The following FBN3 variants were observed in gnomAD, a reference collection of about 807,000 sequenced individuals.
The protein encoded by FBN3 is fibrillin-3.
Under a neutral mutation model 330.1 loss-of-function variants are expected in FBN3, and 234 were observed. That is an observed-to-expected ratio of 0.71 (90% CI 0.64 to 0.79). The LOEUF (loss-of-function observed/expected upper bound fraction) is 0.79. FBN3 is among the 30% of genes least tolerant of loss of function. FBN3 has a pLI of 0.00. For missense variants in FBN3, 3,606 were observed against 3,886.9 expected (o/e 0.93, Z 1.92); for synonymous variants, 1,458 against 1,517.3 (o/e 0.96, Z 0.91).
At chr19:8,086,874 TCCCACTGCCTGTCCCCC>T (rs921489883) in intron 54 of FBN3, among the ~76,000 whole-genome samples, 186 bp downstream of exon 54, 19 of 151,234 alleles carry the variant, frequency 1.3e-4, no homozygotes, top group South Asian at 4.2e-4. Context: ...TACCTGTCCC[TCCCACTGCCTGTCCCCC>T]CCCACTGCCT....
rs530162459 is a variant in FBN3 at position 8,144,780 on chromosome 19, T to C, written c.541+97A>G. 28 of 947,672 alleles carry C rather than the reference T, an allele frequency of 3.0e-5. No homozygotes were observed. The East Asian group carries it at 3.5e-4, about 12-fold the overall frequency. 58.7% of individuals were successfully genotyped at this position (947,672 alleles called of 1,614,324 possible). A position where few individuals can be genotyped will look rare whatever the true frequency, so the allele number is the denominator to read the frequency against. On this transcript the variant is annotated intron_variant, in intron 6 of 63. Transcript: ENST00000600128. ...CAAATGCGGGAAGGAGGCCAGCTGG[T>C]TCCTTTCAAGGCCTGGCCATGTCTC... is the stretch of plus-strand genomic sequence containing the variant.
intron 13 of FBN3, 146 bp downstream of exon 13, chr19:8,135,815 A>C (rs1599430375): frequency 1.3e-6 from 1 of 795,104 alleles, no homozygotes; most frequent in South Asian, 1.7e-5. Flanking sequence ...GAAGAGTCTC[A>C]GGTGGGCTGC....
At chr19:8,137,109 C>G (rs149244871) in intron 10 of FBN3, among the ~76,000 whole-genome samples, 3,627 of 149,254 alleles carry the variant, frequency 0.024, 156 homozygotes, top group African/African-American at 0.085. Flanking sequence ...GTGCCTAGAT[C>G]CCTCCAACCT....
chr19:8,114,260 G>GT (rs916297733), intron 30 of FBN3, among the ~76,000 whole-genome samples: 3 of 148,034 alleles, frequency 2.0e-5, no homozygotes, highest in Admixed American at 6.7e-5. Context: ...AAAAAAGTTT[G>GT]TTTTTTTGAG....
rs761860427 is a variant in FBN3 at position 8,100,977 on chromosome 19, G to A, written c.5090-5C>T. On this transcript the variant is annotated splice_region_variant and splice_polypyrimidine_tract_variant and intron_variant, in intron 40 of 63. Transcript: ENST00000600128. ...CACACAGGATCTGGTAGTCAGCTGC[G>A]CAAAGGGGAACAAAGCTGAGTCTGG... 2.4e-5 allele frequency: 39 copies of A among 1,612,532 alleles called. No individual in the cohort carries two copies. Among genetic ancestry groups the A allele is most frequent in the South Asian group, 1.4e-4 (13 of 91,002 alleles).
At chr19:8,095,839 T>C in intron 45 of FBN3, 125 bp downstream of exon 45, 1 of 642,354 alleles carries the variant, frequency 1.6e-6, no homozygotes. Context: ...TATTTAGGAG[T>C]ATGTTATTTA....
In FBN3 at chr19:8,110,897, G is replaced by A. The variant is rs768535582; in HGVS notation, c.4281C>T (p.Arg1427=). 2.5e-6 allele frequency: 4 copies of A among 1,614,238 alleles called. No homozygotes were observed. The highest frequency in any genetic ancestry group is 3.4e-6 in the Non-Finnish European group (4 of 1,180,040). ...GTTCGTAGCCACCATTGCAGATGCA[G>A]CGGAACATTCCAGGCAGGTTCTCAC... is the stretch of plus-strand genomic sequence containing the variant. ...GSCENLPGMF[R]CICNGGYELD... Residue 1427 remains arginine (R), a synonymous_variant, in exon 34 of 64, where the codon CGC becomes CGT. Transcript: ENST00000600128.
intron 1 of FBN3, among the ~76,000 whole-genome samples, chr19:8,148,202 C>A (rs1033958767): frequency 2.6e-4 from 40 of 152,140 alleles, no homozygotes; most frequent in Admixed American, 2.1e-3. Context: ...CCACATCCCA[C>A]GCCGGTCTTG....
In FBN3 at chr19:8,087,124, C is replaced by A. The variant is rs377054194; in HGVS notation, c.6707G>T (p.Cys2236Phe). The change falls in exon 54 of 64, where the codon TGT (cysteine) becomes TTT (phenylalanine). Residue 2236 changes from cysteine to phenylalanine, a missense_variant. Coordinates refer to ENST00000600128, the MANE Select transcript of FBN3 (RefSeq NM_032447.5). Reference sequence around the variant, plus strand: ...AGGCAGGGGCCGCATGCCTGGGGGACAGACGCACGCGAAGGTACCGATGAG... The same window carrying A: ...AGGCAGGGGCCGCATGCCTGGGGGAAAGACGCACGCGAAGGTACCGATGAG... ...KNLIGTFACVCPPGMRPLPGS... is the reference protein window; with the variant it reads ...KNLIGTFACVFPPGMRPLPGS... 39 of 1,610,760 alleles carry A rather than the reference C, an allele frequency of 2.4e-5. No individual in the cohort carries two copies. The highest frequency in any genetic ancestry group is 3.3e-5 in the Non-Finnish European group (39 of 1,179,540).
chr19:8,126,121 CG>C, intron 21 of FBN3, 104 bp from the exon 22 acceptor site: 1 of 1,512,054 alleles, frequency 6.6e-7, no homozygotes, highest in Non-Finnish European at 9.1e-7. Flanking sequence ...AGGAAGGGGA[CG>C]GGGACACGGG....
intron 13 of FBN3, among the ~76,000 whole-genome samples, chr19:8,133,600 A>G (rs767012268): frequency 6.6e-6 from 1 of 151,946 alleles, no homozygotes; most frequent in African/African-American, 2.4e-5. Context: ...ACAGGCATGT[A>G]CCACCACGCC....
rs369070724 is a variant in FBN3 at position 8,095,484 on chromosome 19, G to C, written c.5676C>G (p.Thr1892=). ...CAAATCGGCACACCTGCCCCACCAG[G>C]GTAGTACACTCATCAAAATCTGTAG... ...GDCVDFDECT[T]LVGQVCRFGH... is the part of the protein sequence containing the mutation. The change falls in exon 46 of 64, where the codon ACC becomes ACG. Residue 1892 remains threonine, a synonymous_variant. Transcript: ENST00000600128. 2.5e-6 allele frequency: 4 copies of C among 1,613,624 alleles called. No homozygotes were observed. Among genetic ancestry groups the C allele is most frequent in the Non-Finnish European group, 3.4e-6 (4 of 1,179,724 alleles).
At chr19:8,142,286 C>T (rs1403142108) in intron 6 of FBN3, 149 bp from the exon 7 acceptor site, 6 of 667,502 alleles carry the variant, frequency 9.0e-6, no homozygotes, top group Non-Finnish European at 1.5e-5. Context: ...CTTTCCTCCC[C>T]TTTCCCTACC....
intron 18 of FBN3, among the ~76,000 whole-genome samples, chr19:8,127,670 A>C (rs989610156): frequency 1.3e-5 from 2 of 152,094 alleles, no homozygotes; most frequent in African/African-American, 2.4e-5. Context: ...TACTTAACTT[A>C]CGTTTACTAG....
At chr19:8,075,667 T>C (rs759773712) in intron 59 of FBN3, among the ~76,000 whole-genome samples, 9 of 152,270 alleles carry the variant, frequency 5.9e-5, no homozygotes, top group Non-Finnish European at 8.8e-5. Flanking sequence ...CTACCCTCTC[T>C]GTGCCTCGAT....
chr19:8,086,622 A>T (rs1201157624), intron 54 of FBN3, among the ~76,000 whole-genome samples: 2 of 133,588 alleles, frequency 1.5e-5, no homozygotes, highest in African/African-American at 2.8e-5. Context: ...ACGCCCAGCT[A>T]TTTTTTTTTT....
At position 8,096,772 on chromosome 19, in the gene FBN3, C is replaced by A. The variant is rs1599329854; in HGVS notation, c.5413+109G>T. On this transcript the variant is annotated intron_variant, in intron 43 of 63. Coordinates refer to ENST00000600128, the MANE Select transcript of FBN3 (RefSeq NM_032447.5). The surrounding 1 kb of genome is among the most constrained non-coding windows in gnomAD (Gnocchi z 4.6). ...GACACTCTCAATACATCCCCCACCC[C>A]CCTAATAGTATAGAAAAGGAGAAAG... 2.2e-6 allele frequency: 3 copies of A among 1,379,952 alleles called. No homozygotes were observed. Among genetic ancestry groups the A allele is most frequent in the Admixed American group, 3.9e-5 (2 of 51,388 alleles). The allele number at this position is 1,379,952 out of a possible 1,614,324, so 85.5% of individuals were successfully genotyped here. A position where few individuals can be genotyped will look rare whatever the true frequency, so the allele number is the denominator to read the frequency against.
At chr19:8,068,525 G>A (rs1466566249) in intron 63 of FBN3, among the ~76,000 whole-genome samples, 3 of 151,836 alleles carry the variant, frequency 2.0e-5, no homozygotes, top group African/African-American at 7.3e-5. Context: ...GGTGAACCCC[G>A]TCTCTACAAA....
intron 37 of FBN3, 71 bp from the exon 38 acceptor site, chr19:8,106,304 T>A: frequency 6.4e-7 from 1 of 1,564,364 alleles, no homozygotes; most frequent in Non-Finnish European, 8.8e-7. Context: ...ACCCACACCA[T>A]GCTCTGGGTT....
Sources: allele counts gnomAD v4.1 joint callset (sites outside exome capture counted in the v4.1 genomes callset), GRCh38; gene constraint gnomAD v4.1.1; non-coding constraint Gnocchi (gnomAD v3.1); transcripts MANE v1.5; gene names NCBI Gene and HGNC (gene_info 2026-07-23, HGNC 2026-07-21).